Variants in PLCL2 observed in about 807,000 individuals in gnomAD.
The protein encoded by PLCL2 is phospholipase C like 2.
PLCL2 carries 4 observed loss-of-function variants against 79.6 expected under a neutral mutation model. The ratio of observed to expected loss-of-function variants is 0.05; its 90% CI spans 0.02 to 0.11. The LOEUF (loss-of-function observed/expected upper bound fraction) is 0.11. Ranked by LOEUF, PLCL2 falls within the 10% of genes least tolerant of loss-of-function variation. The pLI is 1.00. For synonymous variants in PLCL2, 484 were observed against 457.7 expected (o/e 1.06, Z -0.73); for missense variants, 895 against 1,291.0 (o/e 0.69, Z 4.70).
Position 17,011,335 on chromosome 3 carries a change from C to A in PLCL2, c.1989C>A (p.Asp663Glu), listed in dbSNP as rs1285592051. 2.5e-6 allele frequency: 4 copies of A among 1,614,140 alleles called. No homozygotes were observed. Among genetic ancestry groups the A allele is most frequent in the Non-Finnish European group, 1.7e-6 (2 of 1,180,006 alleles). The change falls in exon 2 of 6, where the codon GAC (aspartate) becomes GAA (glutamate). Residue 663 changes from aspartate to glutamate, a missense_variant. This residue lies in a region of PLCL2 where 242 missense variants were observed against 399.5 expected (regional missense o/e 0.61). Coordinates refer to ENST00000615277, the MANE Select transcript of PLCL2 (RefSeq NM_001144382.2). This position sits in a 1 kb window ranked among gnomAD's most constrained non-coding sequence, Gnocchi z 7.9. ...AGTACGCCAATGAAAATCCAGGGGA[C>A]TTTGTAAATTACAACAAACGTTTTC... is the stretch of plus-strand genomic sequence containing the variant. ...ASKYANENPG[D>E]FVNYNKRFLA...
chr3:16,931,346 T>C (rs997032441), intron 1 of PLCL2, among the ~76,000 whole-genome samples: 1 of 152,178 alleles, frequency 6.6e-6, no homozygotes, highest in African/African-American at 2.4e-5. Flanking sequence ...AAAAGATGTA[T>C]GAAATAGAAG....
intron 3 of PLCL2, chr3:17,035,910 G>A (rs1575598055): frequency 2.8e-6 from 1 of 358,346 alleles, no homozygotes; most frequent in South Asian, 2.4e-5. Context: ...TAACAGTTGA[G>A]TAGTGCTTTT....
chr3:16,945,336 A>G (rs1199992904), intron 1 of PLCL2, among the ~76,000 whole-genome samples: 3 of 152,080 alleles, frequency 2.0e-5, no homozygotes, highest in African/African-American at 4.8e-5. Flanking sequence ...TATATATCTT[A>G]CATGCCATGT....
chr3:16,961,752 AGAATGAGAGTTGTGGGATAGGGAG>A (rs1193919092), intron 1 of PLCL2, among the ~76,000 whole-genome samples: 2 of 152,192 alleles, frequency 1.3e-5, no homozygotes, highest in African/African-American at 2.4e-5. Context: ...TCATTGAATG[AGAATGAGAGTTGTGGGATAGGGAG>A]GAAGGTAGAG....
chr3:16,924,977 G>A (rs1697211687), intron 1 of PLCL2, among the ~76,000 whole-genome samples: 1 of 151,420 alleles, frequency 6.6e-6, no homozygotes, highest in African/African-American at 2.4e-5. Flanking sequence ...AGGCTGGAGT[G>A]CAGTGGCACA....
intron 1 of PLCL2, among the ~76,000 whole-genome samples, chr3:16,967,073 T>G (rs1265912900): frequency 6.6e-6 from 1 of 152,106 alleles, no homozygotes; most frequent in Admixed American, 6.6e-5. Flanking sequence ...CTGGCTCCAT[T>G]TATGTTGCTG....
intron 1 of PLCL2, among the ~76,000 whole-genome samples, chr3:16,989,399 T>C (rs925458199): frequency 6.6e-5 from 10 of 152,126 alleles, no homozygotes; most frequent in East Asian, 1.9e-4. Flanking sequence ...GCTTTGATTA[T>C]TGAGCACTAA....
At chr3:16,998,469 C>G (rs567834251) in intron 1 of PLCL2, among the ~76,000 whole-genome samples, 10 of 152,298 alleles carry the variant, frequency 6.6e-5, no homozygotes, top group Admixed American at 5.2e-4. Flanking sequence ...AGTTGAGAAA[C>G]ACAGTTTTCA....
intron 3 of PLCL2, among the ~76,000 whole-genome samples, chr3:17,016,660 G>C (rs1390121925): frequency 6.6e-6 from 1 of 152,234 alleles, no homozygotes; most frequent in Non-Finnish European, 1.5e-5. Flanking sequence ...TGGGGAAATA[G>C]AAGAAGGGGT....
chr3:16,885,287 C>G lies in PLCL2; in HGVS notation c.248C>G (p.Pro83Arg). 1.5e-6 allele frequency: 1 copy of G among 659,976 alleles called. No homozygotes were observed. Among genetic ancestry groups the G allele is most frequent in the South Asian group, 1.6e-5 (1 of 63,626 alleles). The allele number at this position is 659,976 out of a possible 1,614,324, so 40.9% of individuals were successfully genotyped here. The part of the protein sequence containing the change: ...TRGPRGVALA[P>R]TPSAVVCTLP... ...GGACCCCGCGGCGTTGCGCTCGCCC[C>G]GACCCCCAGCGCGGTCGTCTGTACC... The change falls in exon 1 of 6, where the codon CCG (proline) becomes CGG (arginine). Residue 83 changes from proline (P) to arginine (R), a missense_variant. Pro to Arg is a moderately radical substitution (Grantham distance 103). This residue lies in a region of PLCL2 where 110 missense variants were observed against 42.9 expected (regional missense o/e 2.56). Coordinates refer to ENST00000615277, the MANE Select transcript of PLCL2 (RefSeq NM_001144382.2).
chr3:16,980,268 G>C, intron 1 of PLCL2, among the ~76,000 whole-genome samples: 1 of 145,674 alleles, frequency 6.9e-6, no homozygotes, highest in African/African-American at 2.5e-5. Context: ...GGCCGGGCGG[G>C]GGGCTGACCC....
chr3:16,937,014 G>A (rs1008386130), intron 1 of PLCL2, among the ~76,000 whole-genome samples: 12 of 152,072 alleles, frequency 7.9e-5, no homozygotes, highest in Admixed American at 2.0e-4. Flanking sequence ...AGTAATATCC[G>A]TGGTTTCTAC....
chr3:16,909,785 A>G (rs1159600771), intron 1 of PLCL2, among the ~76,000 whole-genome samples: 1 of 152,240 alleles, frequency 6.6e-6, no homozygotes, highest in Non-Finnish European at 1.5e-5. Context: ...CCATTAGCTT[A>G]AACGCCATCT....
At chr3:16,945,211 C>T (rs1347434579) in intron 1 of PLCL2, among the ~76,000 whole-genome samples, 1 of 149,208 alleles carries the variant, frequency 6.7e-6, no homozygotes, top group Non-Finnish European at 1.5e-5. Context: ...TACCCTATCA[C>T]CTGTTTAAAA....
chr3:16,997,959 T>TG (rs929950590), intron 1 of PLCL2, among the ~76,000 whole-genome samples: 3 of 152,208 alleles, frequency 2.0e-5, no homozygotes, highest in African/African-American at 7.2e-5. Flanking sequence ...AAATTGTCAG[T>TG]GGGGCAATTC....
At chr3:17,070,981 C>T (rs555619465) in intron 5 of PLCL2, among the ~76,000 whole-genome samples, 1 of 152,306 alleles carries the variant, frequency 6.6e-6, no homozygotes, top group South Asian at 2.1e-4. Context: ...TCTCCTAAGC[C>T]TCATCCCAGA....
intron 1 of PLCL2, among the ~76,000 whole-genome samples, chr3:16,968,113 G>A (rs1299748074): frequency 6.6e-6 from 1 of 151,990 alleles, no homozygotes; most frequent in Non-Finnish European, 1.5e-5. Flanking sequence ...CCATTCCATT[G>A]ATCCATGTGT....
intron 1 of PLCL2, among the ~76,000 whole-genome samples, chr3:16,937,761 T>A (rs764507099): frequency 3.1e-4 from 47 of 152,262 alleles, no homozygotes; most frequent in Admixed American, 1.0e-3. Context: ...TGGTTGAATT[T>A]CCCCCTCCCT....
intron 1 of PLCL2, among the ~76,000 whole-genome samples, chr3:16,992,296 C>T (rs902449740): frequency 2.0e-5 from 3 of 152,148 alleles, no homozygotes; most frequent in African/African-American, 7.2e-5. Context: ...CCATCAGTGC[C>T]TTCACCCTTC....
Sources: allele counts gnomAD v4.1 joint callset (sites outside exome capture counted in the v4.1 genomes callset), GRCh38; gene constraint gnomAD v4.1.1; regional missense constraint gnomAD v4.1.1; non-coding constraint Gnocchi (gnomAD v3.1); transcripts MANE v1.5; gene names NCBI Gene and HGNC (gene_info 2026-07-23, HGNC 2026-07-21).